The following SPIDR variants were observed in gnomAD, a reference collection of about 807,000 sequenced individuals.
SPIDR encodes DNA repair-scaffolding protein.
In SPIDR, 93 loss-of-function variants were observed where a neutral mutation model predicts 104.6. That is an observed-to-expected ratio of 0.89 (90% CI 0.75 to 1.06). The LOEUF (loss-of-function observed/expected upper bound fraction) is 1.06, where lower values mean the gene tolerates loss of function less well. Among genes scored for constraint, SPIDR ranks in the 50% least tolerant of loss-of-function variants. The pLI, the probability that SPIDR is intolerant of heterozygous loss-of-function variation, is 0.00. For synonymous variants in SPIDR, 431 were observed against 416.9 expected, an observed-to-expected ratio of 1.03 and a Z score of -0.41; for missense variants, 1,154 against 1,111.2, an observed-to-expected ratio of 1.04 and a Z score of -0.55.
intron 5 of SPIDR, among the ~76,000 whole-genome samples, chr8:47,389,688 C>CAAAAAA (rs11295388): frequency 1.6e-5 from 1 of 62,004 alleles, no homozygotes; most frequent in Non-Finnish European, 3.1e-5. Flanking sequence ...GACTCCATCT[C>CAAAAAA]AAAAAAAAAA....
chr8:47,641,009 G>A (rs1474987283), intron 10 of SPIDR, among the ~76,000 whole-genome samples: 2 of 150,822 alleles, frequency 1.3e-5, no homozygotes, highest in Non-Finnish European at 3.0e-5. Flanking sequence ...CACTGCGCCT[G>A]GCTGAGCTGT....
At chr8:47,299,121 T>G (rs1159863092) in intron 5 of SPIDR, among the ~76,000 whole-genome samples, 3 of 152,328 alleles carry the variant, frequency 2.0e-5, no homozygotes, top group African/African-American at 7.2e-5. Context: ...GTATCCTCTT[T>G]TATTTCATTG....
chr8:47,350,793 G>C (rs1185251186), intron 5 of SPIDR, among the ~76,000 whole-genome samples: 1 of 152,196 alleles, frequency 6.6e-6, no homozygotes, highest in South Asian at 2.1e-4. Context: ...AACAACTTCT[G>C]TGTGATACAC....
At chr8:47,675,593 T>C (rs1044535088) in intron 11 of SPIDR, among the ~76,000 whole-genome samples, 45 of 152,202 alleles carry the variant, frequency 3.0e-4, no homozygotes, top group African/African-American at 1.1e-3. Flanking sequence ...GGCTGATCAC[T>C]TGAGGCCAGG....
chr8:47,302,761 A>C, intron 5 of SPIDR, among the ~76,000 whole-genome samples: 1 of 152,304 alleles, frequency 6.6e-6, no homozygotes, highest in East Asian at 1.9e-4. Context: ...AGAACAGCCA[A>C]TATTGGTTTA....
At chr8:47,713,107 G>A in intron 15 of SPIDR, 1 of 1,109,014 alleles carries the variant, frequency 9.0e-7, no homozygotes, top group Non-Finnish European at 1.2e-6. Flanking sequence ...CCTGCTGGTG[G>A]CACCCCATAC....
At chr8:47,270,014 A>G (rs2034967209) in intron 1 of SPIDR, among the ~76,000 whole-genome samples, 1 of 152,150 alleles carries the variant, frequency 6.6e-6, no homozygotes, top group African/African-American at 2.4e-5. Flanking sequence ...TCTCTTGGTT[A>G]TGGTGTATAA....
Position 47,701,724 on chromosome 8 carries a change from A to G in SPIDR, c.1777A>G (p.Lys593Glu), listed in dbSNP as rs1038399552. Reference protein sequence around the residue: ...PGRDQPCEEIKTHLPPPALCY... With the variant: ...PGRDQPCEEIETHLPPPALCY... ...TACCTTTGTCTCATTTAAACAGATA[A>G]AAACTCATCTGCCTCCTCCAGCCTT... The change falls in exon 13 of 20, where the codon AAA becomes GAA. Residue 593 changes from lysine to glutamate, a missense_variant. Transcript: ENST00000297423. 5.0e-6 allele frequency: 8 copies of G among 1,614,034 alleles called. No individual in the cohort carries two copies. The Admixed American group carries it at 6.7e-5, about 13-fold the overall frequency.
chr8:47,702,097 T>TCTCTCTC (rs1491441369), intron 14 of SPIDR, 82 bp downstream of exon 14: 3 of 63,302 alleles, frequency 4.7e-5, no homozygotes, highest in African/African-American at 2.2e-4. Flanking sequence ...TCTCTCTCTC[T>TCTCTCTC]TACACACACA....
At chr8:47,484,760 T>G (rs756490988) in intron 8 of SPIDR, among the ~76,000 whole-genome samples, 39 of 152,232 alleles carry the variant, frequency 2.6e-4, no homozygotes, top group Non-Finnish European at 3.4e-4. Flanking sequence ...GGATTGCGTC[T>G]TGGATTACAG....
intron 10 of SPIDR, among the ~76,000 whole-genome samples, chr8:47,615,356 A>G (rs554351323): frequency 6.6e-6 from 1 of 152,200 alleles, no homozygotes; most frequent in East Asian, 1.9e-4. Context: ...CAAGAATGTT[A>G]CAGTTTTAGC....
intron 10 of SPIDR, among the ~76,000 whole-genome samples, chr8:47,665,879 G>T (rs1320047645): frequency 6.6e-6 from 1 of 152,184 alleles, no homozygotes; most frequent in Non-Finnish European, 1.5e-5. Context: ...GCTAATTTTT[G>T]AGAAACACCT....
intron 11 of SPIDR, among the ~76,000 whole-genome samples, chr8:47,679,782 C>T (rs747215201): frequency 3.9e-5 from 6 of 152,362 alleles, no homozygotes; most frequent in East Asian, 1.9e-4. Flanking sequence ...CATGCCCAGC[C>T]GCCATATTTC....
chr8:47,414,864 T>C (rs1336149061), intron 7 of SPIDR, among the ~76,000 whole-genome samples: 1 of 152,184 alleles, frequency 6.6e-6, no homozygotes, highest in African/African-American at 2.4e-5. Context: ...AATGTTGGAA[T>C]GTCTCTAACA....
intron 5 of SPIDR, among the ~76,000 whole-genome samples, chr8:47,310,841 A>G (rs1271496033): frequency 6.6e-6 from 1 of 150,832 alleles, no homozygotes; most frequent in Non-Finnish European, 1.5e-5. Flanking sequence ...CCTATTAAGC[A>G]AAAAAAAACT....
At position 47,593,106 on chromosome 8, in the gene SPIDR, C is replaced by T. The variant is rs751523774; in HGVS notation, c.1098-2705C>T. Among the ~76,000 whole-genome samples, 15 of 152,220 alleles carry T rather than the reference C, an allele frequency of 9.9e-5. No homozygotes were observed. The Middle Eastern group carries it at 0.01, about 104-fold the overall frequency. ...TTCTTCATGTTGGTCAGGCTGGTCTCGAACTCCTGACCTCAGGTGATCGCC... is the reference window on the plus strand; with the variant it reads ...TTCTTCATGTTGGTCAGGCTGGTCTTGAACTCCTGACCTCAGGTGATCGCC... On this transcript the variant is annotated intron_variant, in intron 8 of 19. Transcript: ENST00000297423.
At chr8:47,343,748 G>T (rs2051254554) in intron 5 of SPIDR, among the ~76,000 whole-genome samples, 1 of 152,086 alleles carries the variant, frequency 6.6e-6, no homozygotes, top group Non-Finnish European at 1.5e-5. Flanking sequence ...GGCTTCTCCT[G>T]CCAGTCCTTC....
chr8:47,441,816 C>T (rs1296498954), intron 8 of SPIDR, among the ~76,000 whole-genome samples: 1 of 152,100 alleles, frequency 6.6e-6, no homozygotes, highest in African/African-American at 2.4e-5. Context: ...TGGAATTTAT[C>T]TTTATGGGTA....
chr8:47,478,040 AG>A (rs1324876832), intron 8 of SPIDR, among the ~76,000 whole-genome samples: 3 of 152,190 alleles, frequency 2.0e-5, no homozygotes, highest in Admixed American at 6.5e-5. Flanking sequence ...CTAGAGTTGA[AG>A]GTTGAAGCTA....
Sources: allele counts gnomAD v4.1 joint callset (sites outside exome capture counted in the v4.1 genomes callset), GRCh38; gene constraint gnomAD v4.1.1; transcripts MANE v1.5; gene names NCBI Gene and HGNC (gene_info 2026-07-23, HGNC 2026-07-21).